The following STARD13 variants were observed in gnomAD, a reference collection of about 807,000 sequenced individuals.
The protein encoded by STARD13 is stAR-related lipid transfer protein 13.
STARD13 carries 62 observed loss-of-function variants against 106.4 expected under a neutral mutation model. The observed-to-expected ratio is 0.58, with a 90% CI of 0.48 to 0.72. The LOEUF (loss-of-function observed/expected upper bound fraction) is 0.72, where lower values mean the gene tolerates loss of function less well. STARD13 is among the 30% of genes least tolerant of loss of function. The probability of loss-of-function intolerance (pLI) is 0.00; values close to 1 mark genes in which losing one functional copy is unlikely to be tolerated. For missense variants in STARD13, 1,387 were observed against 1,424.0 expected (o/e 0.97, Z 0.42); for synonymous variants, 565 against 553.0 (o/e 1.02, Z -0.31).
chr13:33,552,214 T>C, the STARD13 span, among the ~76,000 whole-genome samples: 1 of 152,120 alleles, frequency 6.6e-6, no homozygotes, highest in Non-Finnish European at 1.5e-5. Context: ...ATCTCGATAA[T>C]TGATGAACAA....
chr13:33,386,991 C>T, the STARD13 span, among the ~76,000 whole-genome samples: 1 of 152,116 alleles, frequency 6.6e-6, no homozygotes, highest in Non-Finnish European at 1.5e-5. Flanking sequence ...GTTGGGTTGA[C>T]AGGTGGAGGG....
the STARD13 span, among the ~76,000 whole-genome samples, chr13:33,582,128 A>G: frequency 2.0e-5 from 3 of 151,918 alleles, no homozygotes; most frequent in South Asian, 2.1e-4. Context: ...AGGCTGAGGC[A>G]GGAGAATGGC....
At chr13:33,670,508 C>A in the STARD13 span, among the ~76,000 whole-genome samples, 2 of 152,088 alleles carry the variant, frequency 1.3e-5, no homozygotes, top group Non-Finnish European at 2.9e-5. Flanking sequence ...TGATTATGAA[C>A]CAAAATAAAT....
chr13:33,203,074 C>T (rs1887160179), intron 1 of STARD13, among the ~76,000 whole-genome samples: 1 of 152,162 alleles, frequency 6.6e-6, no homozygotes, highest in Admixed American at 6.5e-5. Context: ...TATGGGCCTC[C>T]CAACCACCTC....
At chr13:33,519,791 C>T in the STARD13 span, among the ~76,000 whole-genome samples, 18 of 152,042 alleles carry the variant, frequency 1.2e-4, no homozygotes, top group Admixed American at 2.0e-4. Flanking sequence ...TTATTTCTCC[C>T]GTCTTTTTGT....
At chr13:33,339,891 C>A (rs1359011967) in intron 1 of STARD13, among the ~76,000 whole-genome samples, 8 of 151,010 alleles carry the variant, frequency 5.3e-5, no homozygotes, top group African/African-American at 1.7e-4. Flanking sequence ...TCAAGACCAG[C>A]GAGACTCTGT....
upstream of STARD13, chr13:33,285,832 G>A: frequency 7.8e-7 from 1 of 1,283,122 alleles, no homozygotes; most frequent in African/African-American, 1.5e-5. Flanking sequence ...GGGAACCAAT[G>A]AGAGGAAGAG....
chr13:33,607,452 A>C, the STARD13 span, among the ~76,000 whole-genome samples: 2 of 151,948 alleles, frequency 1.3e-5, no homozygotes, highest in African/African-American at 4.8e-5. Context: ...GCGTGCCACC[A>C]CACCTGGCTA....
intron 12 of STARD13, among the ~76,000 whole-genome samples, chr13:33,108,992 C>T (rs1341858156): frequency 6.6e-6 from 1 of 152,140 alleles, no homozygotes; most frequent in African/African-American, 2.4e-5. Flanking sequence ...GTTCCATGGG[C>T]CAATTCCCAA....
chr13:33,308,520 C>CTTTTTTTTTTTTTTTTTTTTTTTCTT (rs552526416), intron 1 of STARD13, among the ~76,000 whole-genome samples: 1 of 88,554 alleles, frequency 1.1e-5, no homozygotes, highest in Non-Finnish European at 2.1e-5. Context: ...CTTTTTCTTT[C>CTTTTTTTTTTTTTTTTTTTTTTTCTT]TTTTTTTTTT....
chr13:33,371,761 A>G, the STARD13 span, among the ~76,000 whole-genome samples: 1 of 152,216 alleles, frequency 6.6e-6, no homozygotes, highest in Non-Finnish European at 1.5e-5. Context: ...AAAGTTATAT[A>G]ATTACAGGTA....
At chr13:33,249,870 A>G (rs541596277) in intron 1 of STARD13, among the ~76,000 whole-genome samples, 1 of 152,142 alleles carries the variant, frequency 6.6e-6, no homozygotes, top group South Asian at 2.1e-4. Context: ...GCTCACTGCA[A>G]CCTCTACCTC....
intron 3 of STARD13, among the ~76,000 whole-genome samples, chr13:33,149,494 C>T (rs75161889): frequency 0.032 from 4,909 of 152,224 alleles, 272 homozygotes; most frequent in African/African-American, 0.11. Flanking sequence ...TTTACTTGCT[C>T]ATTAGTTGCC....
intron 1 of STARD13, among the ~76,000 whole-genome samples, chr13:33,195,522 T>C (rs934427662): frequency 1.3e-5 from 2 of 152,172 alleles, no homozygotes; most frequent in Non-Finnish European, 2.9e-5. Context: ...GACAAATATT[T>C]TTCTATGTGA....
chr13:33,475,213 A>G, the STARD13 span, among the ~76,000 whole-genome samples: 1 of 152,082 alleles, frequency 6.6e-6, no homozygotes, highest in Non-Finnish European at 1.5e-5. Flanking sequence ...ATGGTTCAGG[A>G]TTTTCTTGCT....
At chr13:33,302,926 C>CA (rs1892773525) in intron 1 of STARD13, among the ~76,000 whole-genome samples, 1 of 152,216 alleles carries the variant, frequency 6.6e-6, no homozygotes, top group Admixed American at 6.5e-5. Flanking sequence ...GGTAAAAGGA[C>CA]AATGTCCAGA....
intron 1 of STARD13, among the ~76,000 whole-genome samples, chr13:33,255,990 C>T (rs115289568): frequency 1.1e-3 from 167 of 152,288 alleles, no homozygotes; most frequent in African/African-American, 3.8e-3. Context: ...AAATAAAAAG[C>T]ATAAATATAC....
the STARD13 span, among the ~76,000 whole-genome samples, chr13:33,383,059 A>G: frequency 6.6e-6 from 1 of 152,220 alleles, no homozygotes; most frequent in Non-Finnish European, 1.5e-5. Flanking sequence ...TAGAGCTTCC[A>G]TTATAAATTG....
At chr13:33,179,139 T>C (rs1884989618) in intron 1 of STARD13, among the ~76,000 whole-genome samples, 1 of 152,244 alleles carries the variant, frequency 6.6e-6, no homozygotes, top group Admixed American at 6.5e-5. Context: ...ATATACTTAG[T>C]TTTACAGATT....
Sources: gnomAD v4.1 joint callset for allele counts (sites outside exome capture counted in the v4.1 genomes callset) on GRCh38, gnomAD v4.1.1 for gene constraint, MANE v1.5 for transcripts, NCBI Gene and HGNC (gene_info 2026-07-23, HGNC 2026-07-21) for gene names.